Variants in WRNIP1 observed in about 807,000 individuals in gnomAD.
WRNIP1 encodes ATPase WRNIP1.
A neutral mutation model predicts 56.1 loss-of-function variants in WRNIP1; 41 were observed. The observed-to-expected ratio is 0.73, with a 90% CI of 0.57 to 0.95. The LOEUF (loss-of-function observed/expected upper bound fraction) is 0.95. WRNIP1 is among the 40% of genes least tolerant of loss of function. WRNIP1 has a pLI of 0.00. For missense variants in WRNIP1, 1,170 were observed against 939.4 expected (o/e 1.25, Z -3.21); for synonymous variants, 547 against 398.1 (o/e 1.37, Z -4.45).
rs1222007789 is a variant in WRNIP1, at chr6:2,786,351, C to A, written c.*1069C>A. 1 of 152,314 alleles carries A rather than the reference C, an allele frequency of 6.6e-6. No individual in the cohort carries two copies. The highest frequency in any genetic ancestry group is 2.1e-4 in the South Asian group (1 of 4,836). The allele number at this position is 152,314 out of a possible 1,614,324, so 9.4% of individuals were successfully genotyped here. On this transcript the variant is annotated 3_prime_UTR_variant, in exon 7 of 7. Transcript: ENST00000380773. ...TTCCGCTATTTCAGTGCAACCCATCCTCTAGTAGTTTTATCAGGCTGGAGG... is the reference window on the plus strand; with the variant it reads ...TTCCGCTATTTCAGTGCAACCCATCATCTAGTAGTTTTATCAGGCTGGAGG...
chr6:2,775,052 A>T (rs1765400484), intron 3 of WRNIP1, among the ~76,000 whole-genome samples: 1 of 152,224 alleles, frequency 6.6e-6, no homozygotes, highest in Admixed American at 6.5e-5. Context: ...TAGATGAGGA[A>T]ACTGAGGCAC....
rs1224624447 is a variant in WRNIP1 at position 2,768,804 on chromosome 6, T to C, written c.936T>C (p.Ala312=). 2 of 1,613,868 alleles carry C rather than the reference T, an allele frequency of 1.2e-6. No individual in the cohort carries two copies. The highest frequency in any genetic ancestry group is 8.5e-7 in the Non-Finnish European group (1 of 1,179,918). The stretch of plus-strand genomic sequence containing the variant: ...ATGTGCGAGATGTCATAAAACAAGC[T>C]CAAAATGAAAAGAGCTTTTTCAAAA... ...TNDVRDVIKQ[A]QNEKSFFKRK... Residue 312 remains alanine, a synonymous_variant, in exon 2 of 7, where the codon GCT becomes GCC. Coordinates refer to ENST00000380773, the MANE Select transcript of WRNIP1 (RefSeq NM_020135.3).
At chr6:2,773,952 C>T (rs1296553790) in intron 3 of WRNIP1, 2 of 985,096 alleles carry the variant, frequency 2.0e-6, no homozygotes, top group Non-Finnish European at 2.4e-6. Flanking sequence ...GGGCTTTTCT[C>T]TAATCATCTG....
rs1765689482 is a variant in WRNIP1, at chr6:2,785,528, A to C, written c.*246A>C. ...AAATACCTGGCAGCTTTGTGCAATG[A>C]ATTAATGTTATAAGGAATTATCTAT... On this transcript the variant is annotated 3_prime_UTR_variant, in exon 7 of 7. Transcript: ENST00000380773. 1 of 509,844 alleles carries C rather than the reference A, an allele frequency of 2.0e-6. No individual in the cohort carries two copies. The highest frequency in any genetic ancestry group is 3.5e-6 in the Non-Finnish European group (1 of 288,358). 31.6% of individuals were successfully genotyped at this position (509,844 alleles called of 1,614,324 possible).
intron 3 of WRNIP1, among the ~76,000 whole-genome samples, chr6:2,774,570 C>T (rs1028074658): frequency 2.6e-5 from 4 of 152,194 alleles, no homozygotes; most frequent in South Asian, 2.1e-4. Context: ...ATGATTTCAT[C>T]TTGAGACCCT....
rs1473675700 is a variant in WRNIP1, at chr6:2,770,215, C to T, written c.1110C>T (p.Ser370=). The T allele has an allele frequency of 1.2e-6, 2 of 1,614,088 alleles. No individual in the cohort carries two copies. Among genetic ancestry groups the T allele is most frequent in the African/African-American group, 1.3e-5 (1 of 74,922 alleles). ...PSFQVNAALL[S]RCRVIVLEKL... ...TCCAGGTCAACGCTGCTCTTCTGAG[C>T]CGCTGTCGAGTGATTGTTCTTGAGA... The change falls in exon 3 of 7, where the codon AGC becomes AGT. Residue 370 remains serine (S), a synonymous_variant. Coordinates refer to ENST00000380773, the MANE Select transcript of WRNIP1 (RefSeq NM_020135.3).
rs909562416 is a variant in WRNIP1 at position 2,766,147 on chromosome 6, C to A, written c.525C>A (p.Asp175Glu). Reference sequence around the variant, plus strand: ...AGGCCGTGGGCGACGGCGATGGCGACGGGGACGCGGACGCGGACGGCGAGG... The same window carrying A: ...AGGCCGTGGGCGACGGCGATGGCGAAGGGGACGCGGACGCGGACGGCGAGG... ...EEEAVGDGDGDGDADADGEDD... is the reference protein window; with the variant it reads ...EEEAVGDGDGEGDADADGEDD... Residue 175 changes from aspartate to glutamate, a missense_variant, in exon 1 of 7, where the codon GAC (aspartate) becomes GAA (glutamate). Transcript: ENST00000380773. 2.3e-6 allele frequency: 3 copies of A among 1,326,948 alleles called. No individual in the cohort carries two copies. The highest frequency in any genetic ancestry group is 2.2e-5 in the South Asian group (1 of 46,438). The allele number at this position is 1,326,948 out of a possible 1,614,324, so 82.2% of individuals were successfully genotyped here.
Position 2,784,992 on chromosome 6 carries a change from C to G in WRNIP1, c.1723-15C>G. ...GCATCTTGCTAGTAAAATGTGTCCTCTGTGTCATTGGTAGGTGCTTCTGGC... is the reference window on the plus strand; with the variant it reads ...GCATCTTGCTAGTAAAATGTGTCCTGTGTGTCATTGGTAGGTGCTTCTGGC... On this transcript the variant is annotated splice_polypyrimidine_tract_variant and intron_variant, in intron 6 of 6. Coordinates refer to ENST00000380773, the MANE Select transcript of WRNIP1 (RefSeq NM_020135.3). 1.2e-6 allele frequency: 2 copies of G among 1,613,294 alleles called. No individual in the cohort carries two copies. The highest frequency in any genetic ancestry group is 1.7e-6 in the Non-Finnish European group (2 of 1,179,526).
At chr6:2,781,782 G>C (rs745440279) in intron 4 of WRNIP1, among the ~76,000 whole-genome samples, 1 of 152,214 alleles carries the variant, frequency 6.6e-6, no homozygotes, top group East Asian at 1.9e-4. Flanking sequence ...TGATGCAAAA[G>C]AATCTTTTTA....
chr6:2,768,376 G>C (rs1765120925), intron 1 of WRNIP1, among the ~76,000 whole-genome samples: 1 of 152,178 alleles, frequency 6.6e-6, no homozygotes, highest in South Asian at 2.1e-4. Context: ...GCTAAATCAA[G>C]ACAGCCGTTC....
In WRNIP1 at chr6:2,767,418, C is replaced by T. The variant is rs554345091; in HGVS notation, c.822+974C>T. Among the ~76,000 whole-genome samples the T allele has an allele frequency of 7.9e-5, 12 of 152,298 alleles. No individual in the cohort carries two copies. The South Asian group carries it at 1.9e-3, about 24-fold the overall frequency. ...TGCACACAAGGCTTTTATGATTTTT[C>T]TCCTATTTTTCTTTCTAGCTTTATC... On this transcript the variant is annotated intron_variant, in intron 1 of 6. Coordinates refer to ENST00000380773, the MANE Select transcript of WRNIP1 (RefSeq NM_020135.3).
chr6:2,783,622 G>T, intron 5 of WRNIP1, 61 bp downstream of exon 5: 471 of 342,432 alleles, frequency 1.4e-3, no homozygotes, highest in Non-Finnish European at 1.8e-3. Context: ...ATGGCTAACA[G>T]TTACATCGTG....
intron 3 of WRNIP1, among the ~76,000 whole-genome samples, chr6:2,771,616 G>T (rs1432481780): frequency 6.6e-6 from 1 of 152,186 alleles, no homozygotes; most frequent in East Asian, 1.9e-4. Flanking sequence ...CCTTCATGAT[G>T]CTGTGAAAGG....
rs573804979 is a variant in WRNIP1, at chr6:2,769,455, C to CT, written c.1014+574dup. On this transcript the variant is annotated intron_variant, in intron 2 of 6. Coordinates refer to ENST00000380773, the MANE Select transcript of WRNIP1 (RefSeq NM_020135.3). ...ATTTTATTGGGCTGAGATCTGAGAG[C>CT]TATACTCTAAATAAAAAAAAATTAA... Among the ~76,000 whole-genome samples, 709 of 151,764 alleles carry CT rather than the reference C, an allele frequency of 4.7e-3. 3 individuals are homozygous for CT. The highest frequency in any genetic ancestry group is 7.8e-3 in the Non-Finnish European group (531 of 67,948).
chr6:2,778,212 C>T (rs907711508), intron 3 of WRNIP1, among the ~76,000 whole-genome samples: 2 of 152,162 alleles, frequency 1.3e-5, no homozygotes, highest in Non-Finnish European at 2.9e-5. Flanking sequence ...GGTGCCTGTA[C>T]ATTGTTTTCC....
Position 2,785,032 on chromosome 6 carries a change from A to C in WRNIP1, c.1748A>C (p.Tyr583Ser), listed in dbSNP as rs200618121. Reference sequence around the variant, plus strand: ...GTGCTTCTGGCCCAGTGTGTGGTCTACTTTGCCAGAGCCCCAAAGTCCATT... The same window carrying C: ...GTGCTTCTGGCCCAGTGTGTGGTCTCCTTTGCCAGAGCCCCAAAGTCCATT... ...CEVLLAQCVV[Y>S]FARAPKSIEV... Residue 583 changes from tyrosine (Y) to serine (S), a missense_variant, in exon 7 of 7, where the codon TAC (tyrosine) becomes TCC (serine). Coordinates refer to ENST00000380773, the MANE Select transcript of WRNIP1 (RefSeq NM_020135.3). The C allele has an allele frequency of 2.5e-6, 4 of 1,614,096 alleles. No individual in the cohort carries two copies. The highest frequency in any genetic ancestry group is 3.4e-6 in the Non-Finnish European group (4 of 1,180,014).
rs1554137952 is a variant in WRNIP1, at chr6:2,777,329, T to TAAGGATGG, written c.1257-1933_1257-1932insAGGATGGA. Reference sequence around the variant, plus strand: ...CCTCTCCTTGAGGTGCTCCGCATAGTAGGGATGATGAATGTAATGTAATCA... The same window carrying TAAGGATGG: ...CCTCTCCTTGAGGTGCTCCGCATAGTAAGGATGGAGGGATGATGAATGTAATGTAATCA... On this transcript the variant is annotated intron_variant, in intron 3 of 6. Transcript: ENST00000380773. Among the ~76,000 whole-genome samples the TAAGGATGG allele has an allele frequency of 7.2e-5, 11 of 152,008 alleles. No individual in the cohort carries two copies. In the East Asian group the frequency reaches 2.1e-3, roughly 29 times the overall value.
chr6:2,779,069 A>T (rs1765498175), intron 3 of WRNIP1, among the ~76,000 whole-genome samples, 194 bp from the exon 4 acceptor site: 1 of 152,356 alleles, frequency 6.6e-6, no homozygotes, highest in Middle Eastern at 3.4e-3. Context: ...ACAGGGCGAT[A>T]ACCTGGTGAC....
intron 4 of WRNIP1, among the ~76,000 whole-genome samples, chr6:2,782,786 G>A (rs1765593731): frequency 1.3e-5 from 2 of 152,128 alleles, no homozygotes; most frequent in African/African-American, 2.4e-5. Context: ...AAGACCAGGC[G>A]GTGAGAGAGT....
Sources: allele counts gnomAD v4.1 joint callset (sites outside exome capture counted in the v4.1 genomes callset), GRCh38; gene constraint gnomAD v4.1.1; transcripts MANE v1.5; gene names NCBI Gene and HGNC (gene_info 2026-07-23, HGNC 2026-07-21).